Variants in BCHE observed in about 807,000 individuals in gnomAD.
BCHE encodes the protein cholinesterase.
In BCHE, 48 loss-of-function variants were observed where a neutral mutation model predicts 51.3. The observed-to-expected ratio is 0.94, with a 90% CI of 0.74 to 1.19. BCHE has a LOEUF of 1.19. BCHE is among the 50% of genes most tolerant of loss of function. The pLI is 0.00. For missense variants in BCHE, 847 were observed against 708.2 expected (o/e 1.20, Z -2.23); for synonymous variants, 251 against 238.0 (o/e 1.05, Z -0.50).
At chr3:165,816,808 T>C (rs1714328771) in intron 2 of BCHE, among the ~76,000 whole-genome samples, 1 of 151,976 alleles carries the variant, frequency 6.6e-6, no homozygotes, top group Admixed American at 6.6e-5. Flanking sequence ...CCTCCCTCCC[T>C]CTAACCTTGA....
intron 2 of BCHE, among the ~76,000 whole-genome samples, chr3:165,804,073 G>C (rs1339192251): frequency 6.6e-6 from 1 of 150,486 alleles, no homozygotes; most frequent in Non-Finnish European, 1.5e-5. Context: ...AAAAAACTCT[G>C]ATGATTTCTG....
rs775692720 is a variant in BCHE at position 165,830,596 on chromosome 3, A to G, written c.438T>C (p.Phe146=). The G allele has an allele frequency of 3.1e-6, 5 of 1,613,924 alleles. No homozygotes were observed. Among genetic ancestry groups the G allele is most frequent in the Admixed American group, 1.7e-5 (1 of 59,948 alleles). ...CATGTAAAGATGATGTTCCAGTTTG[A>G]AAACCACCACCATAAATCCATATCA... ...TVLIWIYGGG[F]QTGTSSLHVY... Residue 146 remains phenylalanine, a synonymous_variant, in exon 2 of 4, where the codon TTT becomes TTC. Transcript: ENST00000264381.
chr3:165,785,044 C>G (rs1022447874), intron 3 of BCHE, among the ~76,000 whole-genome samples: 4 of 151,610 alleles, frequency 2.6e-5, no homozygotes, highest in Non-Finnish European at 5.9e-5. Flanking sequence ...ACTGGTATAT[C>G]AGAAACATTT....
intron 2 of BCHE, among the ~76,000 whole-genome samples, chr3:165,788,044 C>A (rs780596048): frequency 6.6e-6 from 1 of 151,868 alleles, no homozygotes; most frequent in Non-Finnish European, 1.5e-5. Context: ...ACAAAAAATC[C>A]TTCATCATTC....
At chr3:165,780,120 C>T (rs113955125) in intron 3 of BCHE, among the ~76,000 whole-genome samples, 8,065 of 152,128 alleles carry the variant, frequency 0.053, 284 homozygotes, top group Non-Finnish European at 0.079. Context: ...CATCGACAAC[C>T]ATTTGTTCTT....
At chr3:165,823,346 C>T (rs1394977101) in intron 2 of BCHE, among the ~76,000 whole-genome samples, 1 of 151,822 alleles carries the variant, frequency 6.6e-6, no homozygotes, top group Non-Finnish European at 1.5e-5. Flanking sequence ...CTTAAAATAC[C>T]AACGGAGAGG....
chr3:165,825,406 A>C (rs1714681683), intron 2 of BCHE, among the ~76,000 whole-genome samples: 1 of 152,120 alleles, frequency 6.6e-6, no homozygotes, highest in African/African-American at 2.4e-5. Context: ...AAAAAAAACC[A>C]GTCTTCACAA....
chr3:165,795,959 GGAGAA>G (rs1248226370), intron 2 of BCHE, among the ~76,000 whole-genome samples: 1 of 151,946 alleles, frequency 6.6e-6, no homozygotes, highest in Non-Finnish European at 1.5e-5. Flanking sequence ...GAGGAGAAGA[GGAGAA>G]GAGAAGAACC....
chr3:165,794,762 A>ATGTGTG (rs1576845173), intron 2 of BCHE, among the ~76,000 whole-genome samples: 1 of 151,966 alleles, frequency 6.6e-6, no homozygotes, highest in East Asian at 1.9e-4. Context: ...GTGTGTGTGC[A>ATGTGTG]TGTGTGTGTG....
Position 165,824,734 on chromosome 3 carries a change from C to G in BCHE, c.1517+4783G>C, listed in dbSNP as rs1416911882. The stretch of plus-strand genomic sequence containing the variant: ...AATCAAGTGTATATTTAGATACTAG[C>G]AAAATCTAAATTTTAAAATACATAA... On this transcript the variant is annotated intron_variant, in intron 2 of 3. Coordinates refer to ENST00000264381, the MANE Select transcript of BCHE (RefSeq NM_000055.4). Among the ~76,000 whole-genome samples the G allele has an allele frequency of 2.6e-5, 4 of 151,812 alleles. No individual in the cohort carries two copies. In the East Asian group the frequency reaches 7.7e-4, roughly 29 times the overall value.
At chr3:165,836,859 T>A (rs191475879) in intron 1 of BCHE, among the ~76,000 whole-genome samples, 6 of 152,200 alleles carry the variant, frequency 3.9e-5, no homozygotes, top group Non-Finnish European at 8.8e-5. Context: ...TTGAGAAAAG[T>A]ATTTTGTTCA....
At chr3:165,773,853 T>G (rs1053741002) in intron 3 of BCHE, among the ~76,000 whole-genome samples, 1 of 152,074 alleles carries the variant, frequency 6.6e-6, no homozygotes, top group Non-Finnish European at 1.5e-5. Flanking sequence ...TGACCCACTT[T>G]AAAATAACAC....
At chr3:165,812,781 C>A (rs1335190186) in intron 2 of BCHE, among the ~76,000 whole-genome samples, 1 of 151,874 alleles carries the variant, frequency 6.6e-6, no homozygotes, top group Non-Finnish European at 1.5e-5. Context: ...AGTGAATATG[C>A]ATATACTCTA....
intron 3 of BCHE, among the ~76,000 whole-genome samples, chr3:165,775,779 C>T (rs1482914196): frequency 1.3e-5 from 2 of 151,962 alleles, no homozygotes; most frequent in East Asian, 3.9e-4. Context: ...AAATAGGGGG[C>T]ATTGATTGAG....
At chr3:165,776,682 A>G (rs28449205) in intron 3 of BCHE, among the ~76,000 whole-genome samples, 12,047 of 151,776 alleles carry the variant, frequency 0.079, 728 homozygotes, top group African/African-American at 0.17. Context: ...TCTTCTTTAT[A>G]GTGGTAACAT....
At chr3:165,814,525 G>A (rs11922868) in intron 2 of BCHE, among the ~76,000 whole-genome samples, 3,697 of 152,068 alleles carry the variant, frequency 0.024, 158 homozygotes, top group African/African-American at 0.085. Flanking sequence ...AACCTGAAAC[G>A]TGCATGCTGA....
At chr3:165,834,773 C>T (rs940001562) in intron 1 of BCHE, among the ~76,000 whole-genome samples, 2 of 151,328 alleles carry the variant, frequency 1.3e-5, no homozygotes, top group East Asian at 1.9e-4. Flanking sequence ...AAAACATTAT[C>T]GTTTTTCTTT....
intron 3 of BCHE, among the ~76,000 whole-genome samples, chr3:165,776,968 A>T (rs1485763279): frequency 1.3e-5 from 2 of 151,824 alleles, no homozygotes; most frequent in Non-Finnish European, 2.9e-5. Context: ...ATACGGTAAT[A>T]TAGAGAAGTG....
At position 165,830,584 on chromosome 3, in the gene BCHE, T is replaced by A. The variant is rs748920052; in HGVS notation, c.450A>T (p.Thr150=). 1.9e-6 allele frequency: 3 copies of A among 1,613,966 alleles called. No homozygotes were observed. The Admixed American group carries it at 5.0e-5, about 27-fold the overall frequency. The change falls in exon 2 of 4, where the codon ACA becomes ACT. Residue 150 remains threonine, a synonymous_variant. Transcript: ENST00000264381. ...TGCCATCATAAACATGTAAAGATGA[T>A]GTTCCAGTTTGAAAACCACCACCAT... ...WIYGGGFQTG[T]SSLHVYDGKF... is the part of the protein sequence containing the mutation.
Sources: gnomAD v4.1 joint callset for allele counts (sites outside exome capture counted in the v4.1 genomes callset) on GRCh38, gnomAD v4.1.1 for gene constraint, MANE v1.5 for transcripts, NCBI Gene and HGNC (gene_info 2026-07-23, HGNC 2026-07-21) for gene names.